CTNNA3: variants seen among roughly 807,000 people sequenced by gnomAD.
CTNNA3 encodes catenin alpha 3.
A neutral mutation model predicts 95.7 loss-of-function variants in CTNNA3; 76 were observed. The observed-to-expected ratio is 0.79, with a 90% CI of 0.66 to 0.96. The LOEUF is 0.96. Ranked by LOEUF, CTNNA3 falls within the 40% of genes least tolerant of loss-of-function variation. The pLI is 0.00. For synonymous variants in CTNNA3, 431 were observed against 374.4 expected, an observed-to-expected ratio of 1.15 and a Z score of -1.74; for missense variants, 1,191 against 1,089.8, an observed-to-expected ratio of 1.09 and a Z score of -1.31.
intron 7 of CTNNA3, among the ~76,000 whole-genome samples, chr10:66,840,410 A>ACCCC (rs1554861314): frequency 1.7e-5 from 2 of 114,698 alleles, no homozygotes; most frequent in Non-Finnish European, 1.8e-5. Flanking sequence ...ACACACACAC[A>ACCCC]CCCCTCGGTA....
At chr10:67,056,210 TG>T (rs1564859684) in intron 7 of CTNNA3, among the ~76,000 whole-genome samples, 1 of 152,112 alleles carries the variant, frequency 6.6e-6, no homozygotes, top group African/African-American at 2.4e-5. Context: ...TAATAAAATA[TG>T]GTTGGTATAC....
intron 7 of CTNNA3, among the ~76,000 whole-genome samples, chr10:67,122,038 G>T (rs1156901784): frequency 4.7e-5 from 7 of 148,070 alleles, no homozygotes; most frequent in Admixed American, 4.7e-4. Context: ...CAACTTGTTG[G>T]CAATTTCCTA....
intron 9 of CTNNA3, among the ~76,000 whole-genome samples, chr10:66,700,455 T>G (rs989168937): frequency 5.3e-5 from 8 of 152,178 alleles, no homozygotes; most frequent in Non-Finnish European, 7.3e-5. Context: ...AACTTGGGTT[T>G]ATTTCTGGGC....
chr10:66,141,914 A>G (rs2083639871), intron 13 of CTNNA3, among the ~76,000 whole-genome samples: 1 of 152,142 alleles, frequency 6.6e-6, no homozygotes, highest in Non-Finnish European at 1.5e-5. Context: ...TTAAAGATAT[A>G]TCCCATATGT....
At chr10:66,351,133 A>C (rs1409031492) in intron 12 of CTNNA3, among the ~76,000 whole-genome samples, 1 of 152,034 alleles carries the variant, frequency 6.6e-6, no homozygotes, top group Non-Finnish European at 1.5e-5. Flanking sequence ...AATTCAGTGA[A>C]TCATGCTTCT....
intron 15 of CTNNA3, among the ~76,000 whole-genome samples, chr10:66,053,112 T>A (rs1424447154): frequency 1.3e-5 from 2 of 152,146 alleles, no homozygotes; most frequent in Non-Finnish European, 2.9e-5. Flanking sequence ...ACTATCTTAC[T>A]GTGTTTTTTT....
chr10:66,050,858 CTT>C (rs11345645), intron 15 of CTNNA3, among the ~76,000 whole-genome samples: 178 of 148,132 alleles, frequency 1.2e-3, no homozygotes, highest in Non-Finnish European at 1.9e-3. Context: ...CCATTTCTTA[CTT>C]TTTTTTTTTA....
At chr10:66,202,992 T>C (rs528294228) in intron 13 of CTNNA3, among the ~76,000 whole-genome samples, 2 of 152,314 alleles carry the variant, frequency 1.3e-5, no homozygotes, top group African/African-American at 4.8e-5. Flanking sequence ...AATGTAAATA[T>C]AAGGAAATAA....
intron 5 of CTNNA3, among the ~76,000 whole-genome samples, chr10:67,427,451 C>T (rs1360649434): frequency 6.6e-6 from 1 of 151,892 alleles, no homozygotes; most frequent in Non-Finnish European, 1.5e-5. Context: ...GATATTCTTG[C>T]CTTAAACAAA....
At chr10:67,628,786 T>C (rs562178610) in intron 2 of CTNNA3, among the ~76,000 whole-genome samples, 71 of 151,942 alleles carry the variant, frequency 4.7e-4, no homozygotes, top group African/African-American at 1.5e-3. Context: ...AAAGACCAAA[T>C]ATCTTTGTCA....
intron 5 of CTNNA3, among the ~76,000 whole-genome samples, chr10:67,428,664 G>T (rs2132888825): frequency 6.6e-6 from 1 of 152,134 alleles, no homozygotes; most frequent in South Asian, 2.1e-4. Flanking sequence ...GTCTGTGTGG[G>T]TGTTGCCAAA....
intron 6 of CTNNA3, among the ~76,000 whole-genome samples, chr10:67,185,493 T>A (rs12255044): frequency 0.022 from 3,300 of 152,116 alleles, 92 homozygotes; most frequent in African/African-American, 0.072. Context: ...GGCAAAAAAA[T>A]TTTTAAAAAC....
At chr10:66,895,156 C>T (rs1200849234) in intron 7 of CTNNA3, among the ~76,000 whole-genome samples, 1 of 151,300 alleles carries the variant, frequency 6.6e-6, no homozygotes, top group Non-Finnish European at 1.5e-5. Flanking sequence ...ATAGAAGGGT[C>T]TAGAACTAAA....
At chr10:66,588,253 C>CA (rs1166582430) in intron 10 of CTNNA3, among the ~76,000 whole-genome samples, 1 of 151,848 alleles carries the variant, frequency 6.6e-6, no homozygotes, top group Admixed American at 6.6e-5. Context: ...CTCCCCCTCT[C>CA]ACACACTCTG....
chr10:67,119,501 C>A (rs1296118931), intron 7 of CTNNA3, among the ~76,000 whole-genome samples: 1 of 151,890 alleles, frequency 6.6e-6, no homozygotes, highest in Non-Finnish European at 1.5e-5. Flanking sequence ...CTGTTAGAAC[C>A]TCAAACATAC....
chr10:66,851,182 C>T (rs1297829998), intron 7 of CTNNA3, among the ~76,000 whole-genome samples: 1 of 152,080 alleles, frequency 6.6e-6, no homozygotes, highest in Admixed American at 6.6e-5. Flanking sequence ...CTCATCCATT[C>T]ACTGTTCCCC....
intron 5 of CTNNA3, among the ~76,000 whole-genome samples, chr10:67,481,822 C>G (rs1410992130): frequency 1.3e-5 from 2 of 152,026 alleles, no homozygotes; most frequent in Non-Finnish European, 2.9e-5. Context: ...AAGTCCTTGC[C>G]CATGCCTATG....
intron 6 of CTNNA3, among the ~76,000 whole-genome samples, chr10:67,206,737 A>T (rs2132227754): frequency 6.6e-6 from 1 of 151,790 alleles, no homozygotes; most frequent in Middle Eastern, 3.4e-3. Context: ...TCTAGAATCT[A>T]GATTCTAGAA....
intron 4 of CTNNA3, among the ~76,000 whole-genome samples, chr10:67,533,485 C>G (rs188111024): frequency 6.6e-6 from 1 of 152,060 alleles, no homozygotes; most frequent in Non-Finnish European, 1.5e-5. Context: ...GACAATAGAG[C>G]CAAAATACCT....
Sources: gnomAD v4.1 joint callset for allele counts (sites outside exome capture counted in the v4.1 genomes callset) on GRCh38, gnomAD v4.1.1 for gene constraint, MANE v1.5 for transcripts, NCBI Gene and HGNC (gene_info 2026-07-23, HGNC 2026-07-21) for gene names.